Variants in NEK10 observed in about 807,000 individuals in gnomAD.
The protein encoded by NEK10 is serine/threonine-protein kinase Nek10.
In NEK10, 122 loss-of-function variants were observed where a neutral mutation model predicts 159.8. The observed-to-expected ratio is 0.76, with a 90% CI of 0.66 to 0.89. NEK10 has a LOEUF of 0.89. NEK10 is among the 40% of genes least tolerant of loss of function. NEK10 has a pLI of 0.00. For missense variants in NEK10, 1,342 were observed against 1,323.1 expected, an observed-to-expected ratio of 1.01 and a Z score of -0.22; for synonymous variants, 466 against 457.1, an observed-to-expected ratio of 1.02 and a Z score of -0.25.
intron 35 of NEK10, 33 bp from the exon 36 acceptor site, chr3:27,111,353 T>C (rs1939503362): frequency 6.6e-7 from 1 of 1,513,580 alleles, no homozygotes; most frequent in Non-Finnish European, 9.0e-7. Flanking sequence ...GAATTCTCTA[T>C]AGTTACAAAT....
rs189299888 is a variant in NEK10, at chr3:27,187,025, A to G, written c.2505+5004T>C. Among the ~76,000 whole-genome samples the G allele has an allele frequency of 5.3e-3, 809 of 152,302 alleles. 6 individuals are homozygous for G. Among genetic ancestry groups the G allele is most frequent in the African/African-American group, 0.019 (773 of 41,562 alleles). ...CAAGAAAGTCACAATCAAGACTCAG[A>G]GGATCAAAAATAGTAACCCCAAGGG... On this transcript the variant is annotated intron_variant, in intron 26 of 35. Coordinates refer to ENST00000691995, the MANE Select transcript of NEK10 (RefSeq NM_001394966.1).
chr3:27,252,500 T>C (rs1955769289), intron 23 of NEK10, among the ~76,000 whole-genome samples: 1 of 152,238 alleles, frequency 6.6e-6, no homozygotes, highest in African/African-American at 2.4e-5. Flanking sequence ...TTTATAATCA[T>C]GCAAGTACTT....
intron 1 of NEK10, among the ~76,000 whole-genome samples, chr3:27,362,180 C>CG (rs1291107186): frequency 6.6e-6 from 1 of 152,068 alleles, no homozygotes; most frequent in Non-Finnish European, 1.5e-5. Context: ...GGGTGAACAA[C>CG]GGGCCTGGCC....
intron 22 of NEK10, among the ~76,000 whole-genome samples, chr3:27,280,890 A>ATG (rs1163666767): frequency 1.4e-5 from 2 of 145,548 alleles, no homozygotes; most frequent in African/African-American, 5.3e-5. Flanking sequence ...GTGTGTGTAT[A>ATG]TGTGTGTGTA....
Position 27,284,853 on chromosome 3 carries a change from T to G in NEK10, c.1898A>C (p.Lys633Thr), listed in dbSNP as rs766811743. Residue 633 changes from lysine (K) to threonine (T), a missense_variant, in exon 21 of 36, where the codon AAA becomes ACA. Physicochemically the swap from Lys to Thr is moderately conservative, Grantham distance 78 (BLOSUM62 -1). Transcript: ENST00000691995. ...ATAAAAGCATACCTGTATAAATATT[T>G]TCCATAGTCTTTCTTCAGTAAAATG... ...HHHFTEERLWKIFIQLCLALR... is the reference protein window; with the variant it reads ...HHHFTEERLWTIFIQLCLALR... 2.5e-6 allele frequency: 4 copies of G among 1,582,502 alleles called. No homozygotes were observed. Among genetic ancestry groups the G allele is most frequent in the East Asian group, 4.5e-5 (2 of 44,734 alleles).
intron 1 of NEK10, among the ~76,000 whole-genome samples, chr3:27,355,045 C>T (rs533114144): frequency 2.0e-5 from 3 of 151,068 alleles, no homozygotes; most frequent in African/African-American, 7.3e-5. Context: ...AGAGTGCCCA[C>T]ATATATCCAC....
rs768059523 is a variant in NEK10 at position 27,291,542 on chromosome 3, T to G, written c.1418A>C (p.His473Pro). 8.7e-6 allele frequency: 14 copies of G among 1,610,138 alleles called. No individual in the cohort carries two copies. The South Asian group carries it at 1.5e-4, about 18-fold the overall frequency. ...DLFEIFIDIGHYVRDISAYEE... is the reference protein window; with the variant it reads ...DLFEIFIDIGPYVRDISAYEE... ...ATAAGCACTGATATCACGTACATAA[T>G]GCCCTATGTCAATGAAGATCTCAAA... The change falls in exon 17 of 36, where the codon CAT (histidine) becomes CCT (proline). Residue 473 changes from histidine (H) to proline (P), a missense_variant. Coordinates refer to ENST00000691995, the MANE Select transcript of NEK10 (RefSeq NM_001394966.1).
chr3:27,252,450 AAG>A (rs1299231453), intron 23 of NEK10, among the ~76,000 whole-genome samples: 1 of 152,252 alleles, frequency 6.6e-6, no homozygotes, highest in East Asian at 1.9e-4. Context: ...TTACAACAAA[AAG>A]AAATAATTTT....
At chr3:27,151,799 G>A (rs778856585) in intron 30 of NEK10, among the ~76,000 whole-genome samples, 5 of 152,176 alleles carry the variant, frequency 3.3e-5, no homozygotes, top group Non-Finnish European at 7.3e-5. Flanking sequence ...GAAATAGATA[G>A]TTTAAAGTAA....
At chr3:27,289,056 A>G (rs1311877294) in intron 19 of NEK10, among the ~76,000 whole-genome samples, 1 of 152,192 alleles carries the variant, frequency 6.6e-6, no homozygotes, top group Non-Finnish European at 1.5e-5. Flanking sequence ...ATAGCCCTCC[A>G]TGATCCTCCT....
intron 5 of NEK10, among the ~76,000 whole-genome samples, chr3:27,338,185 G>T (rs1451634884): frequency 6.6e-6 from 1 of 152,142 alleles, no homozygotes; most frequent in African/African-American, 2.4e-5. Flanking sequence ...AGGACATGCG[G>T]TGTTTGGTTT....
At chr3:27,183,966 A>T (rs1948379455) in intron 26 of NEK10, among the ~76,000 whole-genome samples, 1 of 152,144 alleles carries the variant, frequency 6.6e-6, no homozygotes, top group Non-Finnish European at 1.5e-5. Flanking sequence ...AACGTCTAGA[A>T]CTCTCATATA....
At chr3:27,271,559 A>C (rs1040413694) in intron 22 of NEK10, among the ~76,000 whole-genome samples, 1 of 152,208 alleles carries the variant, frequency 6.6e-6, no homozygotes, top group African/African-American at 2.4e-5. Context: ...GAGGAGCATT[A>C]CAATGATTTT....
In NEK10 at chr3:27,288,389, A is replaced by G. The variant is rs148226686; in HGVS notation, c.1744-646T>C. ...CAGTTTTAGCAACTTATATCCTGCTAAGTCAGTTTATGGAAAAATTTCCCA... is the reference window on the plus strand; with the variant it reads ...CAGTTTTAGCAACTTATATCCTGCTGAGTCAGTTTATGGAAAAATTTCCCA... On this transcript the variant is annotated intron_variant, in intron 19 of 35. Transcript: ENST00000691995. Among the ~76,000 whole-genome samples, 1,325 of 152,254 alleles carry G rather than the reference A, an allele frequency of 8.7e-3. 19 individuals are homozygous for G. Among genetic ancestry groups the G allele is most frequent in the African/African-American group, 0.029 (1,217 of 41,546 alleles).
At chr3:27,260,122 G>C (rs1235484325) in intron 22 of NEK10, among the ~76,000 whole-genome samples, 3 of 152,016 alleles carry the variant, frequency 2.0e-5, no homozygotes, top group Admixed American at 2.0e-4. Flanking sequence ...ATTTTGGGCT[G>C]AGACGATGGG....
intron 20 of NEK10, among the ~76,000 whole-genome samples, chr3:27,285,551 A>G (rs2042528464): frequency 1.3e-5 from 2 of 152,140 alleles, no homozygotes; most frequent in African/African-American, 4.8e-5. Context: ...CAAACAAAAA[A>G]AAACAAAACT....
chr3:27,215,205 G>A (rs567400264), intron 23 of NEK10, among the ~76,000 whole-genome samples: 10 of 152,218 alleles, frequency 6.6e-5, no homozygotes, highest in Middle Eastern at 3.4e-3. Context: ...CTCTCTTTCT[G>A]CACAATATAG....
At chr3:27,237,568 T>C (rs969234002) in intron 23 of NEK10, among the ~76,000 whole-genome samples, 4 of 150,112 alleles carry the variant, frequency 2.7e-5, no homozygotes, top group African/African-American at 9.9e-5. Flanking sequence ...CACAACATCA[T>C]ATGTTCTCAA....
At position 27,145,105 on chromosome 3, in the gene NEK10, T is replaced by C. The variant is rs138225566; in HGVS notation, c.2870-3523A>G. 2.4e-3 allele frequency among the ~76,000 whole-genome samples: 361 copies of C among 151,608 alleles called. 2 individuals carry two copies. The highest frequency in any genetic ancestry group is 8.2e-3 in the African/African-American group (338 of 41,348). The stretch of plus-strand genomic sequence containing the variant: ...CAGTATATCTTTTAGATTAGCCCAC[T>C]GAAAACGCTACACTTTCTGACTGTT... On this transcript the variant is annotated intron_variant, in intron 30 of 35. Transcript: ENST00000691995.
Sources: allele counts gnomAD v4.1 joint callset (sites outside exome capture counted in the v4.1 genomes callset), GRCh38; gene constraint gnomAD v4.1.1; transcripts MANE v1.5; gene names NCBI Gene and HGNC (gene_info 2026-07-23, HGNC 2026-07-21).